The following FLI1 variants were observed in gnomAD, a reference collection of about 807,000 sequenced individuals.
FLI1 encodes Fli-1 proto-oncogene, ETS transcription factor, also known as Friend leukemia integration 1 transcription factor.
In FLI1, 13 loss-of-function variants were observed where a neutral mutation model predicts 53.1. The ratio of observed to expected loss-of-function variants is 0.24; its 90% CI spans 0.16 to 0.39. FLI1 has a LOEUF of 0.39. Ranked by LOEUF, FLI1 falls within the 10% of genes least tolerant of loss-of-function variation. The pLI, the probability that FLI1 is intolerant of heterozygous loss-of-function variation, is 1.00. For missense variants in FLI1, 424 were observed against 600.5 expected (o/e 0.71, Z 3.07); for synonymous variants, 244 against 236.7 (o/e 1.03, Z -0.28).
At chr11:128,764,595 C>T in intron 2 of FLI1, 1 of 1,492,450 alleles carries the variant, frequency 6.7e-7, no homozygotes, top group Non-Finnish European at 9.0e-7. Flanking sequence ...AGCTGAATGG[C>T]AAAACCTCGT....
At chr11:128,784,036 T>G (rs1942005284) in intron 5 of FLI1, among the ~76,000 whole-genome samples, 1 of 152,178 alleles carries the variant, frequency 6.6e-6, no homozygotes, top group African/African-American at 2.4e-5. Context: ...CCCTAACCTC[T>G]GAACTGCTGA....
chr11:128,773,194 A>C (rs190353712), intron 4 of FLI1, among the ~76,000 whole-genome samples: 1 of 152,288 alleles, frequency 6.6e-6, no homozygotes, highest in East Asian at 1.9e-4. Context: ...AAGACGAGAA[A>C]TGGAGAAAAG....
At chr11:128,773,480 C>T (rs1941637053) in intron 4 of FLI1, among the ~76,000 whole-genome samples, 1 of 151,872 alleles carries the variant, frequency 6.6e-6, no homozygotes, top group South Asian at 2.1e-4. Flanking sequence ...TATCTGCACA[C>T]TTCCTTGATA....
chr11:128,757,193 C>G (rs1194144778), intron 1 of FLI1, among the ~76,000 whole-genome samples: 1 of 151,796 alleles, frequency 6.6e-6, no homozygotes, highest in Non-Finnish European at 1.5e-5. Flanking sequence ...TAGATTCTCC[C>G]ACCTCAGGCT....
At chr11:128,718,200 G>A (rs913950231) in intron 1 of FLI1, among the ~76,000 whole-genome samples, 6 of 152,158 alleles carry the variant, frequency 3.9e-5, no homozygotes, top group Non-Finnish European at 7.3e-5. Context: ...TATCATGTCC[G>A]TTAATCCATT....
intron 1 of FLI1, among the ~76,000 whole-genome samples, chr11:128,752,255 CA>C (rs1213012315): frequency 4.4e-4 from 67 of 152,326 alleles, no homozygotes; most frequent in Admixed American, 1.2e-3. Flanking sequence ...GGATTACAGG[CA>C]TGAGCCACCA....
At chr11:128,753,627 A>T (rs1940739303) in intron 1 of FLI1, among the ~76,000 whole-genome samples, 1 of 152,264 alleles carries the variant, frequency 6.6e-6, no homozygotes, top group Admixed American at 6.5e-5. Flanking sequence ...TTTAAACTTT[A>T]AAAAGTTTTA....
At chr11:128,796,177 A>G (rs1289113506) in intron 5 of FLI1, among the ~76,000 whole-genome samples, 2 of 152,200 alleles carry the variant, frequency 1.3e-5, no homozygotes, top group Middle Eastern at 3.2e-3. Context: ...ATTTCTTCCC[A>G]TGAAGATCTT....
chr11:128,794,221 C>T (rs867698340), intron 5 of FLI1, among the ~76,000 whole-genome samples: 2 of 152,260 alleles, frequency 1.3e-5, no homozygotes, highest in South Asian at 2.1e-4. Flanking sequence ...TAAAAGTGAT[C>T]CCCGTTGGCC....
intron 1 of FLI1, among the ~76,000 whole-genome samples, chr11:128,713,622 A>G (rs557254316): frequency 6.6e-6 from 1 of 152,266 alleles, no homozygotes; most frequent in South Asian, 2.1e-4. Flanking sequence ...AAGGCAAAAA[A>G]AAAAAACAGT....
chr11:128,745,600 T>C (rs925588293), intron 1 of FLI1, among the ~76,000 whole-genome samples: 1 of 152,172 alleles, frequency 6.6e-6, no homozygotes, highest in East Asian at 1.9e-4. Flanking sequence ...AAGCGGCCAT[T>C]AAGAGCTGGA....
At chr11:128,691,338 C>G (rs1260951961), upstream of FLI1, among the ~76,000 whole-genome samples, 1 of 152,122 alleles carries the variant, frequency 6.6e-6, no homozygotes, top group African/African-American at 2.4e-5. Context: ...ACCATCAAAC[C>G]CTGAGTTACA....
At chr11:128,797,555 C>T (rs1942477097) in intron 5 of FLI1, among the ~76,000 whole-genome samples, 1 of 152,228 alleles carries the variant, frequency 6.6e-6, no homozygotes, top group African/African-American at 2.4e-5. Context: ...TTCTTCATAG[C>T]ATTCATCGCC....
intron 1 of FLI1, among the ~76,000 whole-genome samples, chr11:128,698,530 T>A (rs750299958): frequency 6.6e-5 from 10 of 152,116 alleles, no homozygotes; most frequent in Non-Finnish European, 1.3e-4. Flanking sequence ...GAAACTGAGG[T>A]CTAGGTTGTT....
intron 1 of FLI1, among the ~76,000 whole-genome samples, chr11:128,756,806 G>T (rs1291863547): frequency 6.6e-6 from 1 of 152,222 alleles, no homozygotes; most frequent in Admixed American, 6.5e-5. Context: ...GGATGCCTGT[G>T]ATTCGATGAG....
chr11:128,759,404 A>G (rs1387911678), intron 2 of FLI1, among the ~76,000 whole-genome samples: 1 of 152,264 alleles, frequency 6.6e-6, no homozygotes, highest in Non-Finnish European at 1.5e-5. Flanking sequence ...TAGCGAGCTG[A>G]CAGTCCTTGC....
At chr11:128,692,486 C>T (rs1937788903), upstream of FLI1, among the ~76,000 whole-genome samples, 1 of 131,236 alleles carries the variant, frequency 7.6e-6, no homozygotes, top group Non-Finnish European at 1.6e-5. Flanking sequence ...TGCTGGCAGG[C>T]TGCACCCGCC....
At chr11:128,724,393 G>A (rs996663775) in intron 1 of FLI1, among the ~76,000 whole-genome samples, 1 of 152,182 alleles carries the variant, frequency 6.6e-6, no homozygotes, top group Non-Finnish European at 1.5e-5. Context: ...CAGGACACAG[G>A]TGAGGCCTGA....
chr11:128,807,180 G>C lies in FLI1; in HGVS notation c.722G>C (p.Ser241Thr), dbSNP rs749462686. Reference sequence around the variant, plus strand: ...TGCATTTCTTTCCCTCTTGCCACAGGTCCTCCCCTTGGAGGGGCACAAACG... The same window carrying C: ...TGCATTTCTTTCCCTCTTGCCACAGCTCCTCCCCTTGGAGGGGCACAAACG... ...GNNMNSGLNK[S>T]PPLGGAQTIS... Residue 241 changes from serine to threonine, a missense_variant and splice_region_variant, in exon 7 of 9, where the codon AGT becomes ACT. Physicochemically the swap from Ser to Thr is moderately conservative, Grantham distance 58 (BLOSUM62 1). Coordinates refer to ENST00000527786, the MANE Select transcript of FLI1 (RefSeq NM_002017.5). The C allele has an allele frequency of 1.3e-6, 2 of 1,590,900 alleles. No homozygotes were observed. The highest frequency in any genetic ancestry group is 3.5e-5 in the Admixed American group (2 of 57,034).
Sources: allele counts gnomAD v4.1 joint callset (sites outside exome capture counted in the v4.1 genomes callset), GRCh38; gene constraint gnomAD v4.1.1; transcripts MANE v1.5; gene names NCBI Gene and HGNC (gene_info 2026-07-23, HGNC 2026-07-21).